Variants in SLC22A4 observed in about 807,000 individuals in gnomAD.
SLC22A4 encodes the protein ET transporter.
A neutral mutation model predicts 56.6 loss-of-function variants in SLC22A4; 39 were observed. The observed-to-expected ratio is 0.69, with a 90% CI of 0.53 to 0.90. The LOEUF is 0.90. Among genes scored for constraint, SLC22A4 ranks in the 40% least tolerant of loss-of-function variants. The pLI is 0.00. For missense variants in SLC22A4, 594 were observed against 696.5 expected, an observed-to-expected ratio of 0.85 and a Z score of 1.66; for synonymous variants, 241 against 281.4, an observed-to-expected ratio of 0.86 and a Z score of 1.44.
intron 3 of SLC22A4, among the ~76,000 whole-genome samples, chr5:132,320,564 G>T (rs1750502040): frequency 6.6e-6 from 1 of 152,208 alleles, no homozygotes; most frequent in Non-Finnish European, 1.5e-5. Context: ...TCTCCAACAT[G>T]GGATGCAGGA....
intron 1 of SLC22A4, among the ~76,000 whole-genome samples, chr5:132,301,834 A>G (rs763904162): frequency 6.6e-6 from 1 of 151,384 alleles, no homozygotes; most frequent in Non-Finnish European, 1.5e-5. Flanking sequence ...AGTTTCTATC[A>G]GGCCTGCAGG....
intron 6 of SLC22A4, among the ~76,000 whole-genome samples, chr5:132,333,050 A>G (rs948665814): frequency 6.6e-6 from 1 of 152,208 alleles, no homozygotes; most frequent in African/African-American, 2.4e-5. Context: ...TCCCTTGAGC[A>G]TACTTATTTG....
At chr5:132,309,160 T>C (rs1011471991) in intron 1 of SLC22A4, among the ~76,000 whole-genome samples, 2 of 152,230 alleles carry the variant, frequency 1.3e-5, no homozygotes, top group African/African-American at 4.8e-5. Context: ...AGGACCCCTC[T>C]TAGGACTGGC....
intron 3 of SLC22A4, among the ~76,000 whole-genome samples, chr5:132,314,458 G>A (rs569744270): frequency 3.3e-5 from 5 of 152,334 alleles, no homozygotes; most frequent in African/African-American, 9.6e-5. Flanking sequence ...CCACAGGAGT[G>A]AGAGAGTGTG....
At position 132,334,613 on chromosome 5, in the gene SLC22A4, T is replaced by C. The variant is rs1580845924; in HGVS notation, c.1047-105T>C. 3.7e-6 allele frequency: 3 copies of C among 806,310 alleles called. No homozygotes were observed. In the East Asian group the frequency reaches 7.3e-5, roughly 20 times the overall value. The allele number at this position is 806,310 out of a possible 1,614,324, so 49.9% of individuals were successfully genotyped here. ...TTCAAATTTAAGTAGCCAATGAGGG[T>C]AGTGGCTACTTATAAGACAGCAAGA... On this transcript the variant is annotated intron_variant, in intron 6 of 9. Transcript: ENST00000200652.
intron 4 of SLC22A4, chr5:132,324,722 G>A (rs559298600): frequency 1.8e-5 from 7 of 390,178 alleles, no homozygotes; most frequent in Admixed American, 9.2e-5. Flanking sequence ...GGACCCTGCC[G>A]CCTGCTCAGT....
intron 9 of SLC22A4, among the ~76,000 whole-genome samples, chr5:132,342,303 C>T (rs979753107): frequency 1.3e-5 from 2 of 152,090 alleles, no homozygotes; most frequent in Non-Finnish European, 1.5e-5. Flanking sequence ...CAGCAAAGGA[C>T]AAGAACAGAC....
rs1315320292 is a variant in SLC22A4 at position 132,328,828 on chromosome 5, TATATATATATACACAC to T, written c.951+1427_951+1442del. 7.9e-3 allele frequency among the ~76,000 whole-genome samples: 146 copies of T among 18,464 alleles called. 2 individuals carry two copies. The highest frequency in any genetic ancestry group is 0.036 in the African/African-American group (134 of 3,674). 12.1% of individuals were successfully genotyped at this position (18,464 alleles called of 152,430 possible). A position where few individuals can be genotyped will look rare whatever the true frequency, so the allele number is the denominator to read the frequency against. Reference sequence around the variant, plus strand: ...ACATGGTTCTGGCAGTGCCTTTATATATATATATATACACACACACACACACACACACACACACACG... The same window carrying T: ...ACATGGTTCTGGCAGTGCCTTTATATACACACACACACACACACACACACG... On this transcript the variant is annotated intron_variant, in intron 5 of 9. Transcript: ENST00000200652.
At chr5:132,333,568 G>A (rs1019432847) in intron 6 of SLC22A4, among the ~76,000 whole-genome samples, 1 of 152,144 alleles carries the variant, frequency 6.6e-6, no homozygotes, top group Non-Finnish European at 1.5e-5. Flanking sequence ...AGGAAATCTG[G>A]GCGGTGAGAG....
chr5:132,324,946 A>T (rs1750649206), intron 4 of SLC22A4, among the ~76,000 whole-genome samples: 1 of 152,242 alleles, frequency 6.6e-6, no homozygotes, highest in Non-Finnish European at 1.5e-5. Context: ...AGGTAAACCT[A>T]CATAGAGGCA....
chr5:132,302,864 A>G (rs530155060), intron 1 of SLC22A4, among the ~76,000 whole-genome samples: 4 of 152,316 alleles, frequency 2.6e-5, no homozygotes, highest in African/African-American at 9.6e-5. Flanking sequence ...TTAGCCTCCA[A>G]TGATCACAGA....
At chr5:132,321,191 G>A (rs1465689240) in intron 3 of SLC22A4, among the ~76,000 whole-genome samples, 1 of 152,204 alleles carries the variant, frequency 6.6e-6, no homozygotes, top group Non-Finnish European at 1.5e-5. Flanking sequence ...GCTGCTGCCT[G>A]CAGGGGCAGC....
chr5:132,344,176 T>C lies in SLC22A4; in HGVS notation c.*341T>C, dbSNP rs1480805183. On this transcript the variant is annotated 3_prime_UTR_variant, in exon 10 of 10. Coordinates refer to ENST00000200652, the MANE Select transcript of SLC22A4 (RefSeq NM_003059.3). Reference sequence around the variant, plus strand: ...TACTATCCAAATAAAAATAACATCATTGTATTAACGCAAATATTAGGTGAC... The same window carrying C: ...TACTATCCAAATAAAAATAACATCACTGTATTAACGCAAATATTAGGTGAC... 8.4e-6 allele frequency: 2 copies of C among 236,980 alleles called. No homozygotes were observed. The highest frequency in any genetic ancestry group is 4.5e-5 in the African/African-American group (2 of 43,984). 14.7% of individuals were successfully genotyped at this position (236,980 alleles called of 1,614,324 possible).
intron 3 of SLC22A4, among the ~76,000 whole-genome samples, chr5:132,314,957 G>A (rs542733005): frequency 6.6e-6 from 1 of 152,346 alleles, no homozygotes; most frequent in African/African-American, 2.4e-5. Context: ...CCAGCGGGAG[G>A]AGGCTGCTCC....
intron 7 of SLC22A4, 89 bp from the exon 8 acceptor site, chr5:132,335,729 C>A (rs1751001631): frequency 2.8e-6 from 3 of 1,064,986 alleles, no homozygotes; most frequent in Non-Finnish European, 4.4e-6. Flanking sequence ...AAAGTACTCC[C>A]ACTGAAGCAA....
Position 132,340,587 on chromosome 5 carries a change from C to G in SLC22A4, c.1467C>G (p.Pro489=), listed in dbSNP as rs1429909250. ...VYLGAYNRML[P]YIVMGSLTVL... ...CAGGTGCTTACAACAGAATGCTGCC[C>G]TACATCGTCATGGGTAGTCTGACTG... The change falls in exon 9 of 10, where the codon CCC becomes CCG. Residue 489 remains proline, a synonymous_variant. Coordinates refer to ENST00000200652, the MANE Select transcript of SLC22A4 (RefSeq NM_003059.3). 6.2e-7 allele frequency: 1 copy of G among 1,614,014 alleles called. No individual in the cohort carries two copies. Among genetic ancestry groups the G allele is most frequent in the Non-Finnish European group, 8.5e-7 (1 of 1,179,910 alleles).
At position 132,294,819 on chromosome 5, in the gene SLC22A4, C is replaced by T. The variant is rs769942623; in HGVS notation, c.203C>T (p.Pro68Leu). The change falls in exon 1 of 10, where the codon CCG becomes CTG. Residue 68 changes from proline to leucine, a missense_variant. Pro to Leu is a moderately conservative substitution (Grantham distance 98, BLOSUM62 -3). Coordinates refer to ENST00000200652, the MANE Select transcript of SLC22A4 (RefSeq NM_003059.3). This position sits in a 1 kb window ranked among gnomAD's most constrained non-coding sequence, Gnocchi z 5.6. ...LSSAWRNNSV[P>L]LRLRDGREVP... The stretch of plus-strand genomic sequence containing the variant: ...AGCGCCTGGCGCAACAACAGTGTCC[C>T]GCTGCGGCTGCGGGACGGCCGCGAG... 73 of 1,611,552 alleles carry T rather than the reference C, an allele frequency of 4.5e-5. No homozygotes were observed. Among genetic ancestry groups the T allele is most frequent in the Non-Finnish European group, 6.1e-5 (72 of 1,179,352 alleles).
intron 1 of SLC22A4, among the ~76,000 whole-genome samples, chr5:132,302,183 C>G (rs1266302852): frequency 6.6e-6 from 1 of 152,074 alleles, no homozygotes; most frequent in Non-Finnish European, 1.5e-5. Context: ...TCAGAATATG[C>G]TTTTGTTCAG....
intron 9 of SLC22A4, among the ~76,000 whole-genome samples, chr5:132,343,117 T>C (rs1487873966): frequency 1.3e-5 from 2 of 152,196 alleles, no homozygotes; most frequent in Non-Finnish European, 2.9e-5. Context: ...AGGATCTCTA[T>C]GTTAGGAGCC....
Sources: gnomAD v4.1 joint callset for allele counts (sites outside exome capture counted in the v4.1 genomes callset) on GRCh38, gnomAD v4.1.1 for gene constraint, Gnocchi (gnomAD v3.1) non-coding constraint, MANE v1.5 for transcripts, NCBI Gene and HGNC (gene_info 2026-07-23, HGNC 2026-07-21) for gene names.